Variants in IKZF2 observed in about 807,000 individuals in gnomAD.
The protein encoded by IKZF2 is IKAROS family zinc finger 2.
A neutral mutation model predicts 49.2 loss-of-function variants in IKZF2; 15 were observed. That is an observed-to-expected ratio of 0.30 (90% confidence interval 0.20 to 0.47). The LOEUF is 0.47. Among genes scored for constraint, IKZF2 ranks in the 20% least tolerant of loss-of-function variants. IKZF2 has a pLI of 1.00. For synonymous variants in IKZF2, 227 were observed against 221.4 expected (o/e 1.03, Z -0.23); for missense variants, 567 against 664.6 (o/e 0.85, Z 1.61).
chr2:213,134,803 CTTTA>C (rs1293331322), intron 4 of IKZF2, among the ~76,000 whole-genome samples: 4 of 152,138 alleles, frequency 2.6e-5, no homozygotes, highest in South Asian at 2.1e-4. Context: ...TCTGATTTCT[CTTTA>C]TTTATTTTTT....
chr2:213,008,772 C>A (rs1352495166), intron 8 of IKZF2, among the ~76,000 whole-genome samples: 1 of 151,954 alleles, frequency 6.6e-6, no homozygotes, highest in Non-Finnish European at 1.5e-5. Context: ...CATTAGTGAC[C>A]AAGCTACAAA....
rs556128392 is a variant in IKZF2, at chr2:213,002,414, G to A, written c.*4946C>T. On this transcript the variant is annotated 3_prime_UTR_variant, in exon 9 of 9. Coordinates refer to ENST00000434687, the MANE Select transcript of IKZF2 (RefSeq NM_001387220.1). ...TAGAATATTACATAAAAACCTTATG[G>A]AAATTCCAAAGTTTAAGGTTTCTGC... 6.6e-6 allele frequency: 1 copy of A among 151,442 alleles called. No homozygotes were observed. Among genetic ancestry groups the A allele is most frequent in the Non-Finnish European group, 1.5e-5 (1 of 67,536 alleles). 9.4% of individuals were successfully genotyped at this position (151,442 alleles called of 1,614,324 possible).
intron 4 of IKZF2, among the ~76,000 whole-genome samples, chr2:213,066,875 G>T (rs1244177993): frequency 6.6e-6 from 1 of 152,090 alleles, no homozygotes; most frequent in Non-Finnish European, 1.5e-5. Context: ...TAACATCTAT[G>T]TTTAAATGCT....
chr2:213,142,111 T>C (rs970726460), intron 4 of IKZF2, among the ~76,000 whole-genome samples: 5 of 151,972 alleles, frequency 3.3e-5, no homozygotes, highest in African/African-American at 9.7e-5. Flanking sequence ...ATTAAGGGAA[T>C]TTTTTTCTTT....
chr2:213,146,745 A>G (rs999921749), intron 4 of IKZF2, among the ~76,000 whole-genome samples: 1 of 82,730 alleles, frequency 1.2e-5, no homozygotes, highest in Non-Finnish European at 2.2e-5. Context: ...CACTTTTCTT[A>G]GTTATTAAAT....
At chr2:213,025,050 G>T (rs1285467314) in intron 6 of IKZF2, among the ~76,000 whole-genome samples, 3 of 151,756 alleles carry the variant, frequency 2.0e-5, no homozygotes. Flanking sequence ...AAACATTTTT[G>T]AAAAGTCAGT....
rs555252370 is a variant in IKZF2, at chr2:213,007,454, C to T, written c.1487G>A (p.Arg496Gln). Residue 496 changes from arginine (R) to glutamine (Q), a missense_variant, in exon 9 of 9, where the codon CGG becomes CAG. This residue lies in a region of IKZF2 where 22 missense variants were observed against 52.3 expected (regional missense o/e 0.42). Coordinates refer to ENST00000434687, the MANE Select transcript of IKZF2 (RefSeq NM_001387220.1). ...YTIHMGCHGY[R>Q]DPLECNICGY... is the part of the protein sequence containing the mutation. ...ACAGATGTTGCATTCCAGTGGGTCC[C>T]GGTAGCCATGGCAACCCATGTGAAT... 8 of 1,613,506 alleles carry T rather than the reference C, an allele frequency of 5.0e-6. No homozygotes were observed. The highest frequency in any genetic ancestry group is 2.2e-5 in the East Asian group (1 of 44,848).
chr2:213,044,544 T>C (rs1699972273), intron 6 of IKZF2, among the ~76,000 whole-genome samples: 1 of 152,178 alleles, frequency 6.6e-6, no homozygotes, highest in Non-Finnish European at 1.5e-5. Context: ...AAATTGTCAC[T>C]GGTGGTAGCA....
At chr2:213,114,774 A>G (rs993503964) in intron 4 of IKZF2, among the ~76,000 whole-genome samples, 3 of 152,070 alleles carry the variant, frequency 2.0e-5, no homozygotes, top group Non-Finnish European at 4.4e-5. Context: ...TCTACTAAAA[A>G]TACAAAAATT....
chr2:213,125,363 G>A (rs2060223089), intron 4 of IKZF2, among the ~76,000 whole-genome samples: 1 of 151,756 alleles, frequency 6.6e-6, no homozygotes, highest in African/African-American at 2.4e-5. Context: ...TATTCTTCAG[G>A]AACAAAAATT....
At chr2:213,086,325 T>C (rs1704592288) in intron 4 of IKZF2, among the ~76,000 whole-genome samples, 1 of 151,710 alleles carries the variant, frequency 6.6e-6, no homozygotes, top group Non-Finnish European at 1.5e-5. Context: ...GAAAAAAGAG[T>C]TGGAAGAAAG....
chr2:213,008,290 G>A (rs1695573623), intron 8 of IKZF2, among the ~76,000 whole-genome samples: 2 of 151,252 alleles, frequency 1.3e-5, no homozygotes, highest in Non-Finnish European at 2.9e-5. Context: ...AGAGTCTCAG[G>A]GTGTGATCTC....
At chr2:213,094,077 G>A (rs1705672000) in intron 4 of IKZF2, among the ~76,000 whole-genome samples, 1 of 152,132 alleles carries the variant, frequency 6.6e-6, no homozygotes. Context: ...AGGTAAATAA[G>A]AACATCTTGT....
chr2:213,000,648 A>C lies in IKZF2; in HGVS notation c.*6712T>G, dbSNP rs1694820111. 1 of 149,362 alleles carries C rather than the reference A, an allele frequency of 6.7e-6. No individual in the cohort carries two copies. The highest frequency in any genetic ancestry group is 1.5e-5 in the Non-Finnish European group (1 of 66,868). 9.3% of individuals were successfully genotyped at this position (149,362 alleles called of 1,614,324 possible). A position where few individuals can be genotyped will look rare whatever the true frequency, so the allele number is the denominator to read the frequency against. ...GTATAAGAAAAATACCTCTTACTTA[A>C]ATTTGTATGAAAACAGGACTGCTCC... On this transcript the variant is annotated 3_prime_UTR_variant, in exon 9 of 9. Coordinates refer to ENST00000434687, the MANE Select transcript of IKZF2 (RefSeq NM_001387220.1).
At chr2:213,055,240 T>C (rs1450456352) in intron 5 of IKZF2, among the ~76,000 whole-genome samples, 1 of 152,118 alleles carries the variant, frequency 6.6e-6, no homozygotes, top group Non-Finnish European at 1.5e-5. Flanking sequence ...AATGAATATA[T>C]TATAACTTTG....
intron 6 of IKZF2, among the ~76,000 whole-genome samples, chr2:213,035,414 C>T (rs1397229227): frequency 4.6e-5 from 7 of 152,126 alleles, no homozygotes; most frequent in Non-Finnish European, 1.0e-4. Context: ...ATGGCACAGA[C>T]AACATGTGTA....
chr2:213,145,172 T>TA (rs11356704), intron 4 of IKZF2, among the ~76,000 whole-genome samples: 11,917 of 138,484 alleles, frequency 0.086, 630 homozygotes, highest in African/African-American at 0.16. Context: ...GCTGTTTTAC[T>TA]AAAAAAAAAA....
chr2:213,095,487 A>C (rs1330923607), intron 4 of IKZF2, among the ~76,000 whole-genome samples: 1 of 152,080 alleles, frequency 6.6e-6, no homozygotes, highest in Non-Finnish European at 1.5e-5. Context: ...AGATTTGAAT[A>C]ATCTTCAATG....
chr2:213,124,246 GCGCGCGCACACACACACACACACA>G (rs1313840098), intron 4 of IKZF2, among the ~76,000 whole-genome samples: 1 of 102,484 alleles, frequency 9.8e-6, no homozygotes, highest in Non-Finnish European at 1.9e-5. Flanking sequence ...GCGCTCGCGC[GCGCGCGCACACACACACACACACA>G]CACACACACA....
Sources: gnomAD v4.1 joint callset for allele counts (sites outside exome capture counted in the v4.1 genomes callset) on GRCh38, gnomAD v4.1.1 for gene constraint, gnomAD v4.1.1 regional missense constraint, MANE v1.5 for transcripts, NCBI Gene and HGNC (gene_info 2026-07-23, HGNC 2026-07-21) for gene names.